The following ATP13A2 variants were observed in gnomAD, a reference collection of about 807,000 sequenced individuals.
ATP13A2 encodes polyamine-transporting ATPase 13A2.
A neutral mutation model predicts 138.3 loss-of-function variants in ATP13A2; 83 were observed. The ratio of observed to expected loss-of-function variants is 0.60; its 90% CI spans 0.50 to 0.72. ATP13A2 has a LOEUF of 0.72. Ranked by LOEUF, ATP13A2 falls within the 30% of genes least tolerant of loss-of-function variation. The probability of loss-of-function intolerance (pLI) is 0.00; values close to 1 mark genes in which losing one functional copy is unlikely to be tolerated. For missense variants in ATP13A2, 1,402 were observed against 1,606.4 expected, an observed-to-expected ratio of 0.87 and a Z score of 2.17; for synonymous variants, 663 against 699.0, an observed-to-expected ratio of 0.95 and a Z score of 0.81.
At chr1:16,999,167 G>C (rs1386888426) in intron 11 of ATP13A2, among the ~76,000 whole-genome samples, 1 of 152,000 alleles carries the variant, frequency 6.6e-6, no homozygotes, top group African/African-American at 2.4e-5. Flanking sequence ...GATCACTTGA[G>C]GTCAGGAGTT....
chr1:16,998,974 G>C (rs1275458458), intron 11 of ATP13A2, among the ~76,000 whole-genome samples: 1 of 152,156 alleles, frequency 6.6e-6, no homozygotes, highest in Non-Finnish European at 1.5e-5. Flanking sequence ...GGAAGGGAAG[G>C]GGACTGTGGG....
At chr1:17,001,714 C>T (rs573357082) in intron 8 of ATP13A2, among the ~76,000 whole-genome samples, 156 of 152,302 alleles carry the variant, frequency 1.0e-3, no homozygotes, top group Non-Finnish European at 1.8e-3. Flanking sequence ...AAGTGGAGGA[C>T]GCACAGAGAG....
At chr1:17,008,852 T>C (rs1010535919) in intron 1 of ATP13A2, among the ~76,000 whole-genome samples, 2 of 151,264 alleles carry the variant, frequency 1.3e-5, no homozygotes, top group Non-Finnish European at 2.9e-5. Context: ...TAGTCCCAGC[T>C]ACTTGGGAGG....
chr1:16,991,238 A>G (rs1053681746), intron 20 of ATP13A2, among the ~76,000 whole-genome samples: 5 of 152,128 alleles, frequency 3.3e-5, no homozygotes, highest in African/African-American at 1.2e-4. Flanking sequence ...GGCGTGAGAC[A>G]CTGTGCCCGG....
Position 17,002,027 on chromosome 1 carries a change from G to A in ATP13A2, c.705+7C>T. ...AGGGCTGGGGCAAGACCCAGGGACA[G>A]CCCTACCTCGTCCACCAGCAGCTGG... On this transcript the variant is annotated splice_region_variant and intron_variant, in intron 8 of 28. Transcript: ENST00000326735. 1 of 1,609,582 alleles carries A rather than the reference G, an allele frequency of 6.2e-7. No homozygotes were observed. The highest frequency in any genetic ancestry group is 1.1e-5 in the South Asian group (1 of 90,476).
Position 17,005,449 on chromosome 1 carries a change from C to A in ATP13A2, c.213G>T (p.Trp71Cys), listed in dbSNP as rs1468568465. 2.5e-6 allele frequency: 4 copies of A among 1,614,170 alleles called. No individual in the cohort carries two copies. Among genetic ancestry groups the A allele is most frequent in the South Asian group, 2.2e-5 (2 of 91,082 alleles). ...PLLLFRWKPL[W>C]GVRLRLRPCN... ...AGGGCCGGAGCCGCAGCCGCACCCC[C>A]CACAGGGGCTTCCAACGGAAGAGCA... is the stretch of plus-strand genomic sequence containing the variant. The change falls in exon 3 of 29, where the codon TGG (tryptophan) becomes TGT (cysteine). Residue 71 changes from tryptophan to cysteine, a missense_variant. Trp to Cys is a radical substitution (Grantham distance 215). Transcript: ENST00000326735.
At chr1:17,003,266 A>G (rs1206311737) in intron 6 of ATP13A2, among the ~76,000 whole-genome samples, 1 of 152,076 alleles carries the variant, frequency 6.6e-6, no homozygotes, top group Non-Finnish European at 1.5e-5. Context: ...CATTCAAACT[A>G]AAGTGTGTGA....
At position 16,992,024 on chromosome 1, in the gene ATP13A2, G is replaced by A. The variant is rs2076949640; in HGVS notation, c.2111C>T (p.Ala704Val). 3.1e-6 allele frequency: 5 copies of A among 1,612,798 alleles called. No homozygotes were observed. Among genetic ancestry groups the A allele is most frequent in the Admixed American group, 3.3e-5 (2 of 59,988 alleles). The change falls in exon 19 of 29, where the codon GCC becomes GTC. Residue 704 changes from alanine (A) to valine (V), a missense_variant. Coordinates refer to ENST00000326735, the MANE Select transcript of ATP13A2 (RefSeq NM_022089.4). ...ACAGGCCCACCTCGTCAGTTGCTGG[G>A]CTGCCTCCAGGCTGGGCACAGTGGG... is the stretch of plus-strand genomic sequence containing the variant. ...PLPTVPSLEA[A>V]QQLTRDTVEG...
At position 16,988,518 on chromosome 1, in the gene ATP13A2, C is replaced by G. The variant is rs181907428; in HGVS notation, c.2610-44G>C. ...AGGTGTGGCCTGGGGAATTACCCCACCACCCCATGGGTGGGCTGGCAGAAT... is the reference window on the plus strand; with the variant it reads ...AGGTGTGGCCTGGGGAATTACCCCAGCACCCCATGGGTGGGCTGGCAGAAT... On this transcript the variant is annotated intron_variant, in intron 23 of 28. Coordinates refer to ENST00000326735, the MANE Select transcript of ATP13A2 (RefSeq NM_022089.4). 83 of 1,612,720 alleles carry G rather than the reference C, an allele frequency of 5.1e-5. 1 individual carries two copies. The South Asian group carries it at 5.4e-4, about 10-fold the overall frequency.
chr1:16,991,707 A>G (rs1019157778), intron 20 of ATP13A2, 27 bp downstream of exon 20: 1 of 1,613,748 alleles, frequency 6.2e-7, no homozygotes, highest in Non-Finnish European at 8.5e-7. Context: ...CTGCCCTGCT[A>G]GCCCGGGCCC....
rs1289067092 is a variant in ATP13A2 at position 17,011,476 on chromosome 1, G to A, written c.10+253C>T. On this transcript the variant is annotated intron_variant, in intron 1 of 28. Transcript: ENST00000326735. This position sits in a 1 kb window ranked among gnomAD's most constrained non-coding sequence, Gnocchi z 7.3. ...GCCCGGCTTCCAATCCCGCGGCTGAGGGGTGCAGGGGAGGGGAGGGACCGG... is the reference window on the plus strand; with the variant it reads ...GCCCGGCTTCCAATCCCGCGGCTGAAGGGTGCAGGGGAGGGGAGGGACCGG... Among the ~76,000 whole-genome samples, 1 of 152,180 alleles carries A rather than the reference G, an allele frequency of 6.6e-6. No homozygotes were observed. Among genetic ancestry groups the A allele is most frequent in the Admixed American group, 6.5e-5 (1 of 15,280 alleles).
intron 6 of ATP13A2, 147 bp from the exon 7 acceptor site, chr1:17,002,520 A>G: frequency 1.1e-6 from 1 of 947,890 alleles, no homozygotes; most frequent in Non-Finnish European, 1.6e-6. Context: ...GCCCCCTTGA[A>G]CCCAAGGCTT....
At chr1:16,988,052 TG>T in intron 25 of ATP13A2, 85 bp downstream of exon 25, 1 of 1,244,840 alleles carries the variant, frequency 8.0e-7, no homozygotes, top group Non-Finnish European at 1.2e-6. Context: ...TCATCTATTC[TG>T]GGACCTGCCA....
chr1:17,002,154 C>T (rs1197944910), intron 7 of ATP13A2, 51 bp from the exon 8 acceptor site: 3 of 1,597,234 alleles, frequency 1.9e-6, no homozygotes, highest in East Asian at 2.3e-5. Flanking sequence ...TGTGGCTGGA[C>T]CCTCCCGGGG....
chr1:16,993,855 G>C lies in ATP13A2; in HGVS notation c.1543-20C>G. 6.5e-7 allele frequency: 1 copy of C among 1,536,284 alleles called. No homozygotes were observed. Among genetic ancestry groups the C allele is most frequent in the Non-Finnish European group, 8.8e-7 (1 of 1,139,372 alleles). On this transcript the variant is annotated intron_variant, in intron 15 of 28. Coordinates refer to ENST00000326735, the MANE Select transcript of ATP13A2 (RefSeq NM_022089.4). ...GCCCGTCTGTGGGAGACAGGTGGGT[G>C]GGGCAGCGATGAGTCCTGGGATGGG...
chr1:17,002,448 A>G (rs1570875609), intron 6 of ATP13A2, 75 bp from the exon 7 acceptor site: 11 of 1,527,802 alleles, frequency 7.2e-6, no homozygotes, highest in Non-Finnish European at 9.8e-6. Flanking sequence ...TGCAGGCTGG[A>G]GACTATGGGC....
At chr1:17,010,287 A>G (rs752453938) in intron 1 of ATP13A2, among the ~76,000 whole-genome samples, 19 of 152,168 alleles carry the variant, frequency 1.2e-4, no homozygotes, top group Non-Finnish European at 1.9e-4. Flanking sequence ...CATGTTGGCC[A>G]GACTGGTCTT....
rs535432261 is a variant in ATP13A2, at chr1:16,985,970, T to A, written c.*251A>T. On this transcript the variant is annotated 3_prime_UTR_variant, in exon 29 of 29. Transcript: ENST00000326735. ...CAGGCACAGCAGAGCCAGGAAAATA[T>A]CATGACTTTATTTGCTACACTGACA... The A allele has an allele frequency of 1.5e-5, 22 of 1,441,606 alleles. No individual in the cohort carries two copies. The African/African-American group carries it at 3.0e-4, about 20-fold the overall frequency. 89.3% of individuals were successfully genotyped at this position (1,441,606 alleles called of 1,614,324 possible). A position where few individuals can be genotyped will look rare whatever the true frequency, so the allele number is the denominator to read the frequency against.
At position 16,990,290 on chromosome 1, in the gene ATP13A2, G is replaced by GCA. The variant is rs754704785; in HGVS notation, c.2252-4_2252-3insTG. On this transcript the variant is annotated splice_polypyrimidine_tract_variant and splice_region_variant and intron_variant, in intron 20 of 28. Coordinates refer to ENST00000326735, the MANE Select transcript of ATP13A2 (RefSeq NM_022089.4). ...CACCGCTGTCTGCAGGTTGTCCCCT[G>GCA]GGGGTTATGGGGCAAGGTGAGGGTC... 2 of 1,613,994 alleles carry GCA rather than the reference G, an allele frequency of 1.2e-6. No individual in the cohort carries two copies. The highest frequency in any genetic ancestry group is 3.3e-5 in the Admixed American group (2 of 60,018).
Sources: allele counts gnomAD v4.1 joint callset (sites outside exome capture counted in the v4.1 genomes callset), GRCh38; gene constraint gnomAD v4.1.1; non-coding constraint Gnocchi (gnomAD v3.1); transcripts MANE v1.5; gene names NCBI Gene and HGNC (gene_info 2026-07-23, HGNC 2026-07-21).